Variants in SNX20 observed in about 807,000 individuals in gnomAD.
SNX20 encodes sorting nexin 20, also known as sorting nexin-20.
Under a neutral mutation model 24.5 loss-of-function variants are expected in SNX20, and 21 were observed. The observed-to-expected ratio is 0.86, with a 90% CI of 0.61 to 1.23. The LOEUF is 1.23. SNX20 is among the 50% of genes most tolerant of loss of function. The probability of loss-of-function intolerance (pLI) is 0.00; values close to 1 mark genes in which losing one functional copy is unlikely to be tolerated. For synonymous variants in SNX20, 206 were observed against 192.8 expected (o/e 1.07, Z -0.57); for missense variants, 433 against 430.8 (o/e 1.00, Z -0.04).
chr16:50,677,477 G>C lies in SNX20; in HGVS notation c.50C>G (p.Thr17Ser). The change falls in exon 2 of 4, where the codon ACC (threonine) becomes AGC (serine). Residue 17 changes from threonine to serine, a missense_variant. Coordinates refer to ENST00000330943, the MANE Select transcript of SNX20 (RefSeq NM_182854.4). ...PGSPGCMGPI[T>S]QCTARTQQEA... is the part of the protein sequence containing the mutation. ...CTGCTGGGTCCTTGCCGTGCACTGG[G>C]TTATGGGTCCCATGCAGCCAGGGCT... 1 of 1,609,354 alleles carries C rather than the reference G, an allele frequency of 6.2e-7. No homozygotes were observed. The highest frequency in any genetic ancestry group is 8.5e-7 in the Non-Finnish European group (1 of 1,177,688).
rs1963111737 is a variant in SNX20 at position 50,673,729 on chromosome 16, G to A, written c.628C>T (p.Arg210Cys). Residue 210 changes from arginine to cysteine, a missense_variant, in exon 4 of 4, where the codon CGC becomes TGC. Physicochemically the swap from Arg to Cys is radical, Grantham distance 180. Coordinates refer to ENST00000330943, the MANE Select transcript of SNX20 (RefSeq NM_182854.4). The surrounding 1 kb of genome is among the most constrained non-coding windows in gnomAD (Gnocchi z 4.1). ...AGCTTCTCCTGCAGCGGCAGCACGC[G>A]CAGCAGCAGCTCCAGGGCGCGCGGG... The part of the protein sequence containing the change: ...QYPRALELLL[R>C]VLPLQEKLTA... The A allele has an allele frequency of 1.3e-6, 2 of 1,500,248 alleles. No individual in the cohort carries two copies. The highest frequency in any genetic ancestry group is 1.8e-6 in the Non-Finnish European group (2 of 1,132,956). The allele number at this position is 1,500,248 out of a possible 1,614,324, so 92.9% of individuals were successfully genotyped here.
At chr16:50,674,260 T>TA (rs1963135491) in intron 3 of SNX20, among the ~76,000 whole-genome samples, 186 bp from the exon 4 acceptor site, 1 of 151,020 alleles carries the variant, frequency 6.6e-6, no homozygotes, top group South Asian at 2.1e-4. Context: ...TTTATTTATT[T>TA]ATTTTTAGAG....
intron 2 of SNX20, 127 bp from the exon 3 acceptor site, chr16:50,676,048 T>C (rs2150762241): frequency 1.9e-6 from 2 of 1,039,328 alleles, no homozygotes; most frequent in East Asian, 5.9e-5. Flanking sequence ...AATATCCCTC[T>C]CTCCCACCCC....
At chr16:50,676,036 T>C (rs1219731799) in intron 2 of SNX20, 115 bp from the exon 3 acceptor site, 1 of 1,139,274 alleles carries the variant, frequency 8.8e-7, no homozygotes, top group Admixed American at 3.4e-5. Context: ...TGAAGAGTAT[T>C]GAATATCCCT....
chr16:50,676,260 G>A (rs141780775), intron 2 of SNX20, among the ~76,000 whole-genome samples: 4 of 151,916 alleles, frequency 2.6e-5, no homozygotes, highest in East Asian at 3.9e-4. Flanking sequence ...AAGCAGAGAC[G>A]GTGGCTTGTG....
At chr16:50,667,958 C>T, downstream of SNX20, 1 of 1,513,688 alleles carries the variant, frequency 6.6e-7, no homozygotes, top group East Asian at 2.5e-5. Flanking sequence ...CAAGGACATA[C>T]TGCGGCTTCA....
At chr16:50,667,742 G>C, downstream of SNX20, 1 of 482,864 alleles carries the variant, frequency 2.1e-6, no homozygotes, top group Non-Finnish European at 3.7e-6. Flanking sequence ...TAGCTATGGG[G>C]ACAGCCACTA....
downstream of SNX20, chr16:50,667,745 A>G: frequency 4.1e-6 from 2 of 486,108 alleles, no homozygotes; most frequent in Non-Finnish European, 7.3e-6. Context: ...CTATGGGGAC[A>G]GCCACTAGAG....
chr16:50,668,734 A>G, downstream of SNX20: 2 of 1,115,082 alleles, frequency 1.8e-6, no homozygotes, highest in Non-Finnish European at 2.2e-6. Flanking sequence ...TTTTGAGCCC[A>G]AGAGAGGCCT....
chr16:50,672,916 C>T lies in SNX20; in HGVS notation c.*490G>A, dbSNP rs1375978935. ...CTTCCAAGGGGTCCCAGGAGCACCT[C>T]TGTCCAATACAGATGGAGAAATTGA... On this transcript the variant is annotated 3_prime_UTR_variant, in exon 4 of 4. Transcript: ENST00000330943. 2.6e-5 allele frequency: 4 copies of T among 152,256 alleles called. No homozygotes were observed. The highest frequency in any genetic ancestry group is 5.9e-5 in the Non-Finnish European group (4 of 68,152). 9.4% of individuals were successfully genotyped at this position (152,256 alleles called of 1,614,324 possible).
downstream of SNX20, chr16:50,668,832 A>G: frequency 7.7e-7 from 1 of 1,301,156 alleles, no homozygotes; most frequent in South Asian, 2.5e-5. Context: ...CTATGGGGAC[A>G]GCCACTAGAG....
At chr16:50,668,779 C>T (rs1335410062), downstream of SNX20, 2 of 1,213,456 alleles carry the variant, frequency 1.6e-6, no homozygotes, top group African/African-American at 1.6e-5. Flanking sequence ...CTACCCCTAC[C>T]AGCAGGTGGA....
In SNX20 at chr16:50,673,375, C is replaced by G. The variant is rs778664257; in HGVS notation, c.*31G>C. ...ACTGTGAGCCATGGTGACCCCAAAT[C>G]TCCAGCGTCCCTGCGGGGTCCCAGG... On this transcript the variant is annotated 3_prime_UTR_variant, in exon 4 of 4. Coordinates refer to ENST00000330943, the MANE Select transcript of SNX20 (RefSeq NM_182854.4). The surrounding 1 kb of genome is among the most constrained non-coding windows in gnomAD (Gnocchi z 4.1). 8 of 1,441,886 alleles carry G rather than the reference C, an allele frequency of 5.5e-6. No individual in the cohort carries two copies. The East Asian group carries it at 2.1e-4, about 38-fold the overall frequency. The allele number at this position is 1,441,886 out of a possible 1,614,324, so 89.3% of individuals were successfully genotyped here.
downstream of SNX20, chr16:50,668,402 T>G: frequency 3.3e-6 from 3 of 897,336 alleles, no homozygotes; most frequent in Non-Finnish European, 4.4e-6. Flanking sequence ...AGGGCCTGTC[T>G]CAGGTAAAAG....
At chr16:50,680,274 A>G (rs1264317055) in intron 1 of SNX20, among the ~76,000 whole-genome samples, 1 of 152,202 alleles carries the variant, frequency 6.6e-6, no homozygotes, top group Non-Finnish European at 1.5e-5. Context: ...GGATAGCCAC[A>G]TAGACGGTTC....
chr16:50,679,560 C>T (rs1411875260), intron 1 of SNX20, among the ~76,000 whole-genome samples: 2 of 152,236 alleles, frequency 1.3e-5, no homozygotes, highest in African/African-American at 2.4e-5. Flanking sequence ...CGTTCTTGAG[C>T]ATGCCGTCAC....
intron 2 of SNX20, among the ~76,000 whole-genome samples, chr16:50,676,467 T>C (rs1009093727): frequency 2.0e-5 from 3 of 152,096 alleles, no homozygotes; most frequent in African/African-American, 7.2e-5. Flanking sequence ...CATCCAACCC[T>C]CTATTTCCAC....
At chr16:50,676,247 G>A (rs1276420133) in intron 2 of SNX20, among the ~76,000 whole-genome samples, 1 of 151,820 alleles carries the variant, frequency 6.6e-6, no homozygotes, top group Non-Finnish European at 1.5e-5. Flanking sequence ...CCCTGCTCTG[G>A]ACAAGCAGAG....
chr16:50,673,723 G>A lies in SNX20; in HGVS notation c.634C>T (p.Leu212=). The A allele has an allele frequency of 6.7e-7, 1 of 1,499,546 alleles. No homozygotes were observed. Among genetic ancestry groups the A allele is most frequent in the Non-Finnish European group, 8.8e-7 (1 of 1,132,714 alleles). 92.9% of individuals were successfully genotyped at this position (1,499,546 alleles called of 1,614,324 possible). A position where few individuals can be genotyped will look rare whatever the true frequency, so the allele number is the denominator to read the frequency against. The change falls in exon 4 of 4, where the codon CTG becomes TTG. Residue 212 remains leucine (L), a synonymous_variant. Coordinates refer to ENST00000330943, the MANE Select transcript of SNX20 (RefSeq NM_182854.4). This position sits in a 1 kb window ranked among gnomAD's most constrained non-coding sequence, Gnocchi z 4.1. ...GCGGTGAGCTTCTCCTGCAGCGGCA[G>A]CACGCGCAGCAGCAGCTCCAGGGCG... ...PRALELLLRV[L]PLQEKLTAHC... is the part of the protein sequence containing the mutation.
Sources: gnomAD v4.1 joint callset for allele counts (sites outside exome capture counted in the v4.1 genomes callset) on GRCh38, gnomAD v4.1.1 for gene constraint, Gnocchi (gnomAD v3.1) non-coding constraint, MANE v1.5 for transcripts, NCBI Gene and HGNC (gene_info 2026-07-23, HGNC 2026-07-21) for gene names.